SLC1A4: variants seen among roughly 807,000 people sequenced by gnomAD.
SLC1A4 encodes neutral amino acid transporter A.
SLC1A4 carries 19 observed loss-of-function variants against 37.7 expected under a neutral mutation model. That is an observed-to-expected ratio of 0.50 (90% CI 0.35 to 0.74). SLC1A4 has a LOEUF of 0.74. Among genes scored for constraint, SLC1A4 ranks in the 30% least tolerant of loss-of-function variants. SLC1A4 has a pLI of 0.01. For synonymous variants in SLC1A4, 299 were observed against 309.8 expected, an observed-to-expected ratio of 0.97 and a Z score of 0.37; for missense variants, 570 against 712.9, an observed-to-expected ratio of 0.80 and a Z score of 2.28.
chr2:64,989,724 C>A lies in SLC1A4; in HGVS notation c.81C>A (p.Thr27=). Residue 27 remains threonine, a synonymous_variant, in exon 1 of 8, where the codon ACC becomes ACA. Transcript: ENST00000234256. ...GPAAGPGAPG[T]AAGRARRCAG... ...CGGCCGGGCCCGGAGCTCCGGGGAC[C>A]GCGGCGGGACGCGCACGGCGTTGCG... 6.8e-7 allele frequency: 1 copy of A among 1,477,706 alleles called. No individual in the cohort carries two copies. Among genetic ancestry groups the A allele is most frequent in the Non-Finnish European group, 8.9e-7 (1 of 1,119,028 alleles). The allele number at this position is 1,477,706 out of a possible 1,614,324, so 91.5% of individuals were successfully genotyped here.
chr2:64,991,896 T>C (rs2007061), intron 1 of SLC1A4, among the ~76,000 whole-genome samples: 119,524 of 152,148 alleles, frequency 0.79, 47,236 homozygotes, highest in East Asian at 0.92. Context: ...CCACCCTGCC[T>C]GGCCCCAGCT....
chr2:64,999,314 G>GTC (rs1451844447), intron 1 of SLC1A4: 3 of 152,124 alleles, frequency 2.0e-5, no homozygotes, highest in Non-Finnish European at 1.5e-5. Context: ...CTCTAAATAT[G>GTC]CTAAAAGCAA....
At chr2:64,993,473 G>C (rs1002839907) in intron 1 of SLC1A4, among the ~76,000 whole-genome samples, 1 of 152,222 alleles carries the variant, frequency 6.6e-6, no homozygotes, top group Admixed American at 6.5e-5. Flanking sequence ...GAGAAGGCTG[G>C]AGCTAGAAGC....
chr2:65,007,446 C>G (rs72886516), intron 3 of SLC1A4, among the ~76,000 whole-genome samples: 1 of 152,092 alleles, frequency 6.6e-6, no homozygotes, highest in Non-Finnish European at 1.5e-5. Context: ...ACTCTGGTTG[C>G]TTGTAGTCCC....
chr2:65,021,820 G>C lies in SLC1A4; in HGVS notation c.*674G>C, dbSNP rs1674439051. On this transcript the variant is annotated 3_prime_UTR_variant, in exon 8 of 8. Transcript: ENST00000234256. The stretch of plus-strand genomic sequence containing the variant: ...TTAGATTCTGAGGTCAAAGAAAAAA[G>C]GAGAGGGAATGCAGCCTTGTGGGGG... 1 of 152,766 alleles carries C rather than the reference G, an allele frequency of 6.5e-6. No individual in the cohort carries two copies. Among genetic ancestry groups the C allele is most frequent in the Admixed American group, 6.5e-5 (1 of 15,282 alleles). 9.5% of individuals were successfully genotyped at this position (152,766 alleles called of 1,614,324 possible). A position where few individuals can be genotyped will look rare whatever the true frequency, so the allele number is the denominator to read the frequency against.
At chr2:64,997,102 C>T (rs1673286129) in intron 1 of SLC1A4, among the ~76,000 whole-genome samples, 1 of 152,016 alleles carries the variant, frequency 6.6e-6, no homozygotes, top group Non-Finnish European at 1.5e-5. Context: ...GGGCACTGCT[C>T]CTGCTCTTGG....
intron 4 of SLC1A4, among the ~76,000 whole-genome samples, chr2:65,012,919 T>A (rs1338173484): frequency 6.6e-6 from 1 of 152,126 alleles, no homozygotes; most frequent in Non-Finnish European, 1.5e-5. Flanking sequence ...AAAAAACTGA[T>A]TGTATTAGTC....
At position 64,989,768 on chromosome 2, in the gene SLC1A4, A is replaced by C; in HGVS notation, c.125A>C (p.Gln42Pro). 1.4e-6 allele frequency: 2 copies of C among 1,448,920 alleles called. No homozygotes were observed. The highest frequency in any genetic ancestry group is 1.8e-6 in the Non-Finnish European group (2 of 1,109,406). 89.8% of individuals were successfully genotyped at this position (1,448,920 alleles called of 1,614,324 possible). Reference sequence around the variant, plus strand: ...CGTTGCGCGGGCTTCCTGCGGCGCCAAGCGCTGGTGCTGCTCACCGTGTCC... The same window carrying C: ...CGTTGCGCGGGCTTCCTGCGGCGCCCAGCGCTGGTGCTGCTCACCGTGTCC... ...ARRCAGFLRR[Q>P]ALVLLTVSGV... Residue 42 changes from glutamine (Q) to proline (P), a missense_variant, in exon 1 of 8, where the codon CAA (glutamine) becomes CCA (proline). Physicochemically the swap from Gln to Pro is moderately conservative, Grantham distance 76. Coordinates refer to ENST00000234256, the MANE Select transcript of SLC1A4 (RefSeq NM_003038.5).
chr2:65,017,593 A>C (rs1170152979), intron 5 of SLC1A4, among the ~76,000 whole-genome samples: 1 of 152,136 alleles, frequency 6.6e-6, no homozygotes, highest in Admixed American at 6.5e-5. Context: ...CCGCAGAGCC[A>C]GCTAGAGGGA....
chr2:65,013,640 C>CGAGA (rs1415994912), intron 4 of SLC1A4, among the ~76,000 whole-genome samples: 1 of 152,130 alleles, frequency 6.6e-6, no homozygotes, highest in Non-Finnish European at 1.5e-5. Context: ...AGCAAGAGAG[C>CGAGA]GAGAGACCTG....
rs368801468 is a variant in SLC1A4, at chr2:65,019,505, T to G, written c.1364+826T>G. ...AGCACGGGAACAGCACACAGAATAATGAGCACGTGGTAAAACATTCAATTC... is the reference window on the plus strand; with the variant it reads ...AGCACGGGAACAGCACACAGAATAAGGAGCACGTGGTAAAACATTCAATTC... On this transcript the variant is annotated intron_variant, in intron 7 of 7. Coordinates refer to ENST00000234256, the MANE Select transcript of SLC1A4 (RefSeq NM_003038.5). 6.6e-5 allele frequency among the ~76,000 whole-genome samples: 10 copies of G among 152,210 alleles called. No homozygotes were observed. The South Asian group carries it at 1.5e-3, about 22-fold the overall frequency.
chr2:64,994,269 A>T (rs545066954), intron 1 of SLC1A4, among the ~76,000 whole-genome samples: 3 of 152,232 alleles, frequency 2.0e-5, no homozygotes, highest in Non-Finnish European at 4.4e-5. Flanking sequence ...CATGCTTATG[A>T]TCTCCAGTTG....
intron 5 of SLC1A4, among the ~76,000 whole-genome samples, chr2:65,017,021 A>G (rs1674169368): frequency 1.3e-5 from 2 of 152,118 alleles, no homozygotes; most frequent in Admixed American, 1.3e-4. Flanking sequence ...TTCATTTACT[A>G]TTCTACTGAA....
Position 65,010,708 on chromosome 2 carries a change from C to T in SLC1A4, c.745C>T (p.Arg249Cys), listed in dbSNP as rs183809967. The stretch of plus-strand genomic sequence containing the variant: ...AGGCTCCGAAGGAGAAGACCTCATC[C>T]GTTTCTTCAATTCCCTCAACGAGGC... ...KLGSEGEDLI[R>C]FFNSLNEATM... Residue 249 changes from arginine to cysteine, a missense_variant, in exon 4 of 8, where the codon CGT (arginine) becomes TGT (cysteine). By Grantham distance (180) the Arg-to-Cys change is radical (BLOSUM62 -3). Coordinates refer to ENST00000234256, the MANE Select transcript of SLC1A4 (RefSeq NM_003038.5). The T allele has an allele frequency of 2.8e-4, 445 of 1,614,118 alleles. No individual in the cohort carries two copies. The highest frequency in any genetic ancestry group is 3.5e-4 in the Non-Finnish European group (411 of 1,179,988).
At chr2:64,992,028 A>T (rs150611481) in intron 1 of SLC1A4, among the ~76,000 whole-genome samples, 19 of 152,340 alleles carry the variant, frequency 1.2e-4, no homozygotes, top group Non-Finnish European at 2.5e-4. Context: ...TTAAGTTTGG[A>T]AACTAACTTT....
chr2:65,001,405 T>C (rs758842669), intron 1 of SLC1A4, 43 bp from the exon 2 acceptor site: 30 of 1,594,622 alleles, frequency 1.9e-5, no homozygotes, highest in Non-Finnish European at 2.2e-5. Context: ...CTCTAAAAAA[T>C]TGTTTTAAAA....
At chr2:65,002,765 A>G (rs1179017901) in intron 2 of SLC1A4, among the ~76,000 whole-genome samples, 1 of 150,720 alleles carries the variant, frequency 6.6e-6, no homozygotes, top group Non-Finnish European at 1.5e-5. Context: ...TTTAGTAGAG[A>G]TGGGGTTTCA....
At chr2:65,012,566 T>C (rs1673963405) in intron 4 of SLC1A4, among the ~76,000 whole-genome samples, 1 of 152,220 alleles carries the variant, frequency 6.6e-6, no homozygotes, top group Non-Finnish European at 1.5e-5. Context: ...GTGATATTTC[T>C]CTTCTTCAAT....
chr2:65,012,997 C>T (rs1673979297), intron 4 of SLC1A4, among the ~76,000 whole-genome samples: 1 of 152,296 alleles, frequency 6.6e-6, no homozygotes. Flanking sequence ...GTTTAATTGG[C>T]TCACAGTTCT....
Sources: allele counts gnomAD v4.1 joint callset (sites outside exome capture counted in the v4.1 genomes callset), GRCh38; gene constraint gnomAD v4.1.1; transcripts MANE v1.5; gene names NCBI Gene and HGNC (gene_info 2026-07-23, HGNC 2026-07-21).